RNMT: variants seen among roughly 807,000 people sequenced by gnomAD.
RNMT encodes mRNA cap guanine-N(7) methyltransferase.
RNMT carries 27 observed loss-of-function variants against 56.0 expected under a neutral mutation model. That is an observed-to-expected ratio of 0.48 (90% CI 0.36 to 0.67). The LOEUF (loss-of-function observed/expected upper bound fraction) is 0.67. Among genes scored for constraint, RNMT ranks in the 30% least tolerant of loss-of-function variants. The pLI, the probability that RNMT is intolerant of heterozygous loss-of-function variation, is 0.00. For synonymous variants in RNMT, 184 were observed against 176.2 expected (o/e 1.04, Z -0.35); for missense variants, 519 against 552.1 (o/e 0.94, Z 0.60).
chr18:13,735,548 ACTCACAAGGTTCTC>A (rs1045348847), intron 4 of RNMT, among the ~76,000 whole-genome samples: 3 of 139,090 alleles, frequency 2.2e-5, no homozygotes, highest in African/African-American at 8.2e-5. Flanking sequence ...TTCAGTCTCT[ACTCACAAGGTTCTC>A]TCTCTACCCC....
intron 11 of RNMT, among the ~76,000 whole-genome samples, chr18:13,756,926 A>G (rs1041194816): frequency 6.6e-6 from 1 of 152,212 alleles, no homozygotes; most frequent in African/African-American, 2.4e-5. Flanking sequence ...TCACCTTTGC[A>G]GGTATTTTCT....
chr18:13,742,474 G>A lies in RNMT; in HGVS notation c.975-14G>A. The A allele has an allele frequency of 6.2e-7, 1 of 1,610,412 alleles. No homozygotes were observed. Among genetic ancestry groups the A allele is most frequent in the Non-Finnish European group, 8.5e-7 (1 of 1,178,488 alleles). On this transcript the variant is annotated splice_polypyrimidine_tract_variant and intron_variant, in intron 7 of 11. Transcript: ENST00000383314. The stretch of plus-strand genomic sequence containing the variant: ...TTTAATCTTTTTATTTTGGTTGGGG[G>A]ATAACCTTGATAGAAGACGCCTTGA...
At chr18:13,739,433 T>C (rs1217919186) in intron 5 of RNMT, among the ~76,000 whole-genome samples, 3 of 152,244 alleles carry the variant, frequency 2.0e-5, no homozygotes, top group Non-Finnish European at 4.4e-5. Flanking sequence ...GCTGCTACTT[T>C]GTATTTGTGA....
intron 1 of RNMT, among the ~76,000 whole-genome samples, chr18:13,727,960 A>G (rs1012802321): frequency 6.6e-6 from 1 of 152,216 alleles, no homozygotes; most frequent in Non-Finnish European, 1.5e-5. Context: ...CATTGTGTAT[A>G]TATGCTACAT....
At chr18:13,743,284 C>T (rs2044283481) in intron 8 of RNMT, among the ~76,000 whole-genome samples, 1 of 148,412 alleles carries the variant, frequency 6.7e-6, no homozygotes, top group Admixed American at 6.7e-5. Context: ...GATCGCGCCA[C>T]TGCGCTCCAG....
At position 13,761,639 on chromosome 18, in the gene RNMT, G is replaced by A. The variant is rs1212619326; in HGVS notation, c.*1660G>A. 9.9e-7 allele frequency: 1 copy of A among 1,005,242 alleles called. No individual in the cohort carries two copies. Among genetic ancestry groups the A allele is most frequent in the African/African-American group, 1.7e-5 (1 of 57,450 alleles). The allele number at this position is 1,005,242 out of a possible 1,614,324, so 62.3% of individuals were successfully genotyped here. A position where few individuals can be genotyped will look rare whatever the true frequency, so the allele number is the denominator to read the frequency against. ...AATACAAAGCAGGGAGAACAGAAAG[G>A]TAGAGTTACTAAGGCCTTCAGTGAA... On this transcript the variant is annotated 3_prime_UTR_variant, in exon 12 of 12. Transcript: ENST00000383314.
At chr18:13,728,378 C>A (rs931350000) in intron 1 of RNMT, among the ~76,000 whole-genome samples, 7 of 123,806 alleles carry the variant, frequency 5.7e-5, no homozygotes, top group African/African-American at 2.3e-4. Flanking sequence ...CTCTGTCGCC[C>A]AGGCCGGAGT....
At chr18:13,740,720 C>G (rs1234489521) in intron 6 of RNMT, among the ~76,000 whole-genome samples, 1 of 152,190 alleles carries the variant, frequency 6.6e-6, no homozygotes, top group African/African-American at 2.4e-5. Flanking sequence ...TTGGAATATG[C>G]ATTTTCACTT....
rs3138630 is a variant in RNMT at position 13,753,816 on chromosome 18, T to TACACACACACACACACAC, written c.1360-280_1360-263dup. 4.1e-3 allele frequency among the ~76,000 whole-genome samples: 594 copies of TACACACACACACACACAC among 144,472 alleles called. 4 individuals are homozygous for TACACACACACACACACAC. Among genetic ancestry groups the TACACACACACACACACAC allele is most frequent in the Middle Eastern group, 0.011 (3 of 276 alleles). 94.8% of individuals were successfully genotyped at this position (144,472 alleles called of 152,430 possible). A position where few individuals can be genotyped will look rare whatever the true frequency, so the allele number is the denominator to read the frequency against. ...ATACAAGATAGATGCATTTTCCAGT[T>TACACACACACACACACAC]ACACACACACACACACACACACACA... On this transcript the variant is annotated intron_variant, in intron 10 of 11. Transcript: ENST00000383314.
chr18:13,762,183 C>G lies in RNMT; in HGVS notation c.*2204C>G, dbSNP rs935897917. On this transcript the variant is annotated 3_prime_UTR_variant, in exon 12 of 12. Transcript: ENST00000383314. ...TGAGAATGGAATTGGAAATGAAGAC[C>G]TAACCAGCTATTGGTGGGAATGACG... is the stretch of plus-strand genomic sequence containing the variant. 2 of 1,515,054 alleles carry G rather than the reference C, an allele frequency of 1.3e-6. No homozygotes were observed. 93.9% of individuals were successfully genotyped at this position (1,515,054 alleles called of 1,614,324 possible).
At chr18:13,758,337 G>T (rs1399110042) in intron 11 of RNMT, among the ~76,000 whole-genome samples, 1 of 152,176 alleles carries the variant, frequency 6.6e-6, no homozygotes, top group Non-Finnish European at 1.5e-5. Context: ...TCTAATAGAA[G>T]ACTGTCTCGT....
intron 8 of RNMT, chr18:13,742,870 G>C (rs2044275040): frequency 3.2e-6 from 1 of 312,908 alleles, no homozygotes; most frequent in African/African-American, 2.2e-5. Context: ...GCCTAACTTA[G>C]TTTTCTCTCA....
intron 7 of RNMT, among the ~76,000 whole-genome samples, chr18:13,742,269 T>C (rs2044263279): frequency 6.6e-6 from 1 of 151,062 alleles, no homozygotes. Flanking sequence ...CAGGAGTTGG[T>C]GGCTGTAGTG....
chr18:13,759,244 T>TA (rs779594810), intron 11 of RNMT, among the ~76,000 whole-genome samples: 5 of 152,302 alleles, frequency 3.3e-5, no homozygotes, highest in Admixed American at 1.3e-4. Flanking sequence ...CTACAATTTG[T>TA]AAAAAACACC....
intron 8 of RNMT, 151 bp downstream of exon 8, chr18:13,742,803 A>G: frequency 1.7e-6 from 1 of 582,118 alleles, no homozygotes; most frequent in Non-Finnish European, 2.8e-6. Flanking sequence ...TTAAAAAAAA[A>G]AAACAAAACA....
intron 10 of RNMT, 46 bp from the exon 11 acceptor site, chr18:13,754,068 T>G: frequency 9.2e-7 from 1 of 1,083,924 alleles, no homozygotes; most frequent in Non-Finnish European, 1.4e-6. Context: ...ATATGTTTAC[T>G]TCCATATTGA....
Position 13,761,969 on chromosome 18 carries a change from A to C in RNMT, c.*1990A>C. On this transcript the variant is annotated 3_prime_UTR_variant, in exon 12 of 12. Transcript: ENST00000383314. Reference sequence around the variant, plus strand: ...CCCTGCCTATCCTCTCCGATCACCAAGGTGGAAGGGAGCTAGTAGGACTCT... The same window carrying C: ...CCCTGCCTATCCTCTCCGATCACCACGGTGGAAGGGAGCTAGTAGGACTCT... 6.5e-7 allele frequency: 1 copy of C among 1,530,774 alleles called. No individual in the cohort carries two copies. The highest frequency in any genetic ancestry group is 8.7e-7 in the Non-Finnish European group (1 of 1,144,080). The allele number at this position is 1,530,774 out of a possible 1,614,324, so 94.8% of individuals were successfully genotyped here. A position where few individuals can be genotyped will look rare whatever the true frequency, so the allele number is the denominator to read the frequency against.
Position 13,737,022 on chromosome 18 carries a change from A to G in RNMT, c.566A>G (p.Glu189Gly). The G allele has an allele frequency of 6.2e-7, 1 of 1,611,132 alleles. No individual in the cohort carries two copies. ...MKSVLIGEFLEKVRQKKKRDI... is the reference protein window; with the variant it reads ...MKSVLIGEFLGKVRQKKKRDI... ...TTCTCTCTTTTAGGAGAATTTTTGG[A>G]AAAGGTACGACAGAAGAAAAAACGT... The change falls in exon 5 of 12, where the codon GAA becomes GGA. Residue 189 changes from glutamate (E) to glycine (G), a missense_variant. Glu to Gly is a moderately conservative substitution (Grantham distance 98, BLOSUM62 -2). Transcript: ENST00000383314.
In RNMT at chr18:13,761,548, C is replaced by T. The variant is rs555030524; in HGVS notation, c.*1569C>T. ...TAATACATGTACTTTTAGCCTGAAACCTCTTCCACGCCATGGGTAACTTGG... is the reference window on the plus strand; with the variant it reads ...TAATACATGTACTTTTAGCCTGAAATCTCTTCCACGCCATGGGTAACTTGG... On this transcript the variant is annotated 3_prime_UTR_variant, in exon 12 of 12. Transcript: ENST00000383314. The T allele has an allele frequency of 7.1e-6, 7 of 992,192 alleles. No individual in the cohort carries two copies. In the East Asian group the frequency reaches 7.9e-4, roughly 112 times the overall value. 61.5% of individuals were successfully genotyped at this position (992,192 alleles called of 1,614,324 possible).
Sources: gnomAD v4.1 joint callset for allele counts (sites outside exome capture counted in the v4.1 genomes callset) on GRCh38, gnomAD v4.1.1 for gene constraint, MANE v1.5 for transcripts, NCBI Gene and HGNC (gene_info 2026-07-23, HGNC 2026-07-21) for gene names.